ARHGEF12: variants seen among roughly 807,000 people sequenced by gnomAD.
ARHGEF12 encodes the protein KMT2A/ARHGEF12 fusion protein.
In ARHGEF12, 66 loss-of-function variants were observed where a neutral mutation model predicts 211.2. That is an observed-to-expected ratio of 0.31 (90% confidence interval 0.26 to 0.38). The LOEUF (loss-of-function observed/expected upper bound fraction) is 0.38. Ranked by LOEUF, ARHGEF12 falls within the 10% of genes least tolerant of loss-of-function variation. The pLI is 1.00. For synonymous variants in ARHGEF12, 592 were observed against 638.4 expected (o/e 0.93, Z 1.09); for missense variants, 1,429 against 1,869.5 (o/e 0.76, Z 4.34).
At chr11:120,404,005 G>C (rs943250202) in intron 1 of ARHGEF12, among the ~76,000 whole-genome samples, 1 of 152,158 alleles carries the variant, frequency 6.6e-6, no homozygotes, top group African/African-American at 2.4e-5. Flanking sequence ...TCTGGGACAG[G>C]CTTTTCTCTT....
intron 1 of ARHGEF12, among the ~76,000 whole-genome samples, chr11:120,383,390 C>T (rs1406793743): frequency 6.6e-6 from 1 of 152,066 alleles, no homozygotes; most frequent in African/African-American, 2.4e-5. Context: ...AAGCACATTA[C>T]ATTTATTGTC....
At chr11:120,435,512 CTTTT>C (rs61516865) in intron 11 of ARHGEF12, among the ~76,000 whole-genome samples, 1 of 106,244 alleles carries the variant, frequency 9.4e-6, no homozygotes, top group Non-Finnish European at 1.9e-5. Flanking sequence ...CCCTGTCAAG[CTTTT>C]TTTTTTTTTT....
In ARHGEF12 at chr11:120,408,584, C is replaced by T. The variant is rs144270500; in HGVS notation, c.142+761C>T. 6 of 151,978 alleles carry T rather than the reference C, an allele frequency of 3.9e-5. No homozygotes were observed. The East Asian group carries it at 5.8e-4, about 15-fold the overall frequency. 9.4% of individuals were successfully genotyped at this position (151,978 alleles called of 1,614,324 possible). A position where few individuals can be genotyped will look rare whatever the true frequency, so the allele number is the denominator to read the frequency against. On this transcript the variant is annotated intron_variant, in intron 3 of 40. Coordinates refer to ENST00000397843, the MANE Select transcript of ARHGEF12 (RefSeq NM_015313.3). ...CTTTGACAAGAGACGAAGTAAATCC[C>T]GCTATCTCAGATACATAAAAATAAT...
intron 36 of ARHGEF12, among the ~76,000 whole-genome samples, chr11:120,477,862 C>CAAAAAA (rs528182938): frequency 7.2e-5 from 5 of 69,366 alleles, no homozygotes; most frequent in East Asian, 6.7e-4. Context: ...ACCGAAACAC[C>CAAAAAA]AAAAAAAAAA....
At chr11:120,419,625 G>A (rs1945124799) in intron 4 of ARHGEF12, among the ~76,000 whole-genome samples, 1 of 151,544 alleles carries the variant, frequency 6.6e-6, no homozygotes, top group African/African-American at 2.4e-5. Flanking sequence ...TATATACACT[G>A]TGTGTATATA....
intron 1 of ARHGEF12, among the ~76,000 whole-genome samples, chr11:120,363,810 A>C (rs1054047550): frequency 1.3e-5 from 2 of 152,170 alleles, no homozygotes; most frequent in African/African-American, 4.8e-5. Flanking sequence ...GATTCAGAAG[A>C]TGGTTGGTAG....
At chr11:120,381,007 A>G (rs1943863630) in intron 1 of ARHGEF12, among the ~76,000 whole-genome samples, 1 of 152,150 alleles carries the variant, frequency 6.6e-6, no homozygotes, top group Non-Finnish European at 1.5e-5. Flanking sequence ...GTGGTACTAG[A>G]AGATGCTCCA....
At position 120,465,241 on chromosome 11, in the gene ARHGEF12, G is replaced by A; in HGVS notation, c.2618G>A (p.Ser873Asn). The change falls in exon 28 of 41, where the codon AGC (serine) becomes AAC (asparagine). Residue 873 changes from serine to asparagine, a missense_variant. By Grantham distance (46) the Ser-to-Asn change is conservative. Coordinates refer to ENST00000397843, the MANE Select transcript of ARHGEF12 (RefSeq NM_015313.3). ...TTCTTTGCATTCTTGGCACAGTTCA[G>A]CGGACCAGGAGAGGAGAAATTGAAA... ...QIGEDLLTWF[S>N]GPGEEKLKHA... 6.2e-7 allele frequency: 1 copy of A among 1,614,102 alleles called. No individual in the cohort carries two copies. Among genetic ancestry groups the A allele is most frequent in the Non-Finnish European group, 8.5e-7 (1 of 1,180,026 alleles).
At position 120,337,141 on chromosome 11, in the gene ARHGEF12, C is replaced by A; in HGVS notation, c.-103C>A. ...GGAGTTTTGAGTTGGACTTTTGTGT[C>A]CCTGACGGAGTTGGGCCTGATCCCA... On this transcript the variant is annotated 5_prime_UTR_variant, in exon 1 of 41. Coordinates refer to ENST00000397843, the MANE Select transcript of ARHGEF12 (RefSeq NM_015313.3). 1 of 1,400,406 alleles carries A rather than the reference C, an allele frequency of 7.1e-7. No individual in the cohort carries two copies. Among genetic ancestry groups the A allele is most frequent in the Non-Finnish European group, 1.0e-6 (1 of 988,008 alleles). 86.7% of individuals were successfully genotyped at this position (1,400,406 alleles called of 1,614,324 possible). A position where few individuals can be genotyped will look rare whatever the true frequency, so the allele number is the denominator to read the frequency against.
At chr11:120,368,640 G>A (rs868809538) in intron 1 of ARHGEF12, among the ~76,000 whole-genome samples, 13 of 152,326 alleles carry the variant, frequency 8.5e-5, no homozygotes, top group Middle Eastern at 3.4e-3. Context: ...TTGAGTGCTT[G>A]TGCCAGGTTT....
chr11:120,404,259 A>G (rs1286802437), intron 1 of ARHGEF12, among the ~76,000 whole-genome samples: 5 of 152,200 alleles, frequency 3.3e-5, no homozygotes, highest in Admixed American at 6.5e-5. Flanking sequence ...GGGATTTTGC[A>G]AAACTATGGG....
chr11:120,395,966 C>T (rs549145542), intron 1 of ARHGEF12, among the ~76,000 whole-genome samples: 29 of 152,176 alleles, frequency 1.9e-4, no homozygotes, highest in African/African-American at 5.8e-4. Flanking sequence ...TAGCAGTGAG[C>T]GCACCCAGCT....
In ARHGEF12 at chr11:120,406,143, TA is replaced by T; in HGVS notation, c.56+4del. ...GTTTCCCCTCAAAAAACCTATAAGG[TA>T]AGTTTGCTCAATTACACTTCATACT... On this transcript the variant is annotated splice_donor_region_variant and intron_variant, in intron 2 of 40. Coordinates refer to ENST00000397843, the MANE Select transcript of ARHGEF12 (RefSeq NM_015313.3). The T allele has an allele frequency of 6.5e-7, 1 of 1,531,478 alleles. No individual in the cohort carries two copies. Among genetic ancestry groups the T allele is most frequent in the Non-Finnish European group, 8.7e-7 (1 of 1,143,320 alleles). The allele number at this position is 1,531,478 out of a possible 1,614,324, so 94.9% of individuals were successfully genotyped here.
chr11:120,482,977 C>T (rs1265486288), intron 39 of ARHGEF12, among the ~76,000 whole-genome samples: 1 of 152,130 alleles, frequency 6.6e-6, no homozygotes, highest in African/African-American at 2.4e-5. Flanking sequence ...TATCGACAAG[C>T]CCATTGAGGA....
intron 1 of ARHGEF12, among the ~76,000 whole-genome samples, chr11:120,396,735 A>T (rs1363281846): frequency 6.6e-6 from 1 of 152,226 alleles, no homozygotes; most frequent in Non-Finnish European, 1.5e-5. Context: ...ATGTAGGGGT[A>T]AATCTTTGTG....
At chr11:120,458,022 C>T (rs1181431516) in intron 24 of ARHGEF12, 58 bp from the exon 25 acceptor site, 43 of 1,534,464 alleles carry the variant, frequency 2.8e-5, no homozygotes, top group Non-Finnish European at 3.7e-5. Flanking sequence ...AAGATTTGTG[C>T]TGTTTCTCAT....
intron 4 of ARHGEF12, chr11:120,410,727 T>G (rs1170090770): frequency 6.6e-6 from 1 of 152,182 alleles, no homozygotes; most frequent in Non-Finnish European, 1.5e-5. Flanking sequence ...GTGTATACCT[T>G]TTACAGTAGT....
intron 1 of ARHGEF12, among the ~76,000 whole-genome samples, chr11:120,363,046 G>A (rs1313214560): frequency 6.6e-6 from 1 of 152,212 alleles, no homozygotes; most frequent in Admixed American, 6.5e-5. Flanking sequence ...CTTGCAGTGA[G>A]CTGAGATCGC....
In ARHGEF12 at chr11:120,486,903, G is replaced by A. The variant is rs1947410518; in HGVS notation, c.*1826G>A. On this transcript the variant is annotated 3_prime_UTR_variant, in exon 41 of 41. Coordinates refer to ENST00000397843, the MANE Select transcript of ARHGEF12 (RefSeq NM_015313.3). ...AATTATATTTTTAGTCATAAGCCAA[G>A]TACAATCTAACTCAGAATGGGATTA... 4.7e-6 allele frequency: 1 copy of A among 211,672 alleles called. No individual in the cohort carries two copies. The highest frequency in any genetic ancestry group is 2.3e-5 in the African/African-American group (1 of 44,190). The allele number at this position is 211,672 out of a possible 1,614,324, so 13.1% of individuals were successfully genotyped here.
Sources: allele counts gnomAD v4.1 joint callset (sites outside exome capture counted in the v4.1 genomes callset), GRCh38; gene constraint gnomAD v4.1.1; transcripts MANE v1.5; gene names NCBI Gene and HGNC (gene_info 2026-07-23, HGNC 2026-07-21).